The following WIPI2 variants were observed in gnomAD, a reference collection of about 807,000 sequenced individuals.
The protein encoded by WIPI2 is WD repeat domain, phosphoinositide interacting 2.
Under a neutral mutation model 52.3 loss-of-function variants are expected in WIPI2, and 28 were observed. The observed-to-expected ratio is 0.54, with a 90% CI of 0.40 to 0.73. The LOEUF (loss-of-function observed/expected upper bound fraction) is 0.73, where lower values mean the gene tolerates loss of function less well. WIPI2 is among the 30% of genes least tolerant of loss of function. WIPI2 has a pLI of 0.00. For missense variants in WIPI2, 506 were observed against 602.9 expected (o/e 0.84, Z 1.68); for synonymous variants, 268 against 245.0 (o/e 1.09, Z -0.88).
chr7:5,199,468 G>A, intron 2 of WIPI2, 108 bp from the exon 3 acceptor site: 1 of 845,776 alleles, frequency 1.2e-6, no homozygotes, highest in Non-Finnish European at 1.9e-6. Context: ...ATTTGTGGAG[G>A]GCACGCGGGG....
intron 8 of WIPI2, 87 bp downstream of exon 8, chr7:5,222,759 C>G: frequency 7.8e-7 from 1 of 1,288,754 alleles, no homozygotes; most frequent in Non-Finnish European, 1.1e-6. Flanking sequence ...AAGTAGAACC[C>G]CCAGGAGAAT....
At chr7:5,225,151 A>T (rs1410305250) in intron 8 of WIPI2, among the ~76,000 whole-genome samples, 24 of 148,804 alleles carry the variant, frequency 1.6e-4, no homozygotes, top group African/African-American at 4.2e-4. Context: ...TTTTTTTTTT[A>T]AATAATTGAG....
chr7:5,209,962 T>C (rs901365683), intron 3 of WIPI2, among the ~76,000 whole-genome samples: 3 of 152,192 alleles, frequency 2.0e-5, no homozygotes, highest in Non-Finnish European at 4.4e-5. Context: ...TGCTGGAGTC[T>C]GGTGGTGCCA....
intron 3 of WIPI2, among the ~76,000 whole-genome samples, chr7:5,202,753 C>T (rs575505932): frequency 2.4e-4 from 36 of 151,808 alleles, no homozygotes; most frequent in African/African-American, 8.8e-4. Context: ...TGATCATTTT[C>T]TTTCTCCATG....
At chr7:5,190,684 C>T (rs1035742745) in intron 1 of WIPI2, 191 bp downstream of exon 1, 11 of 453,840 alleles carry the variant, frequency 2.4e-5, no homozygotes, top group Non-Finnish European at 4.0e-5. Flanking sequence ...CCCTCGGGTG[C>T]TGGCCTGGAG....
chr7:5,228,223 C>T lies in WIPI2; in HGVS notation c.1121+12C>T, dbSNP rs1410549263. 3.1e-6 allele frequency: 5 copies of T among 1,606,588 alleles called. No homozygotes were observed. Among genetic ancestry groups the T allele is most frequent in the Non-Finnish European group, 3.4e-6 (4 of 1,177,448 alleles). ...ATGAAGCAGCACCGGTGAGTCTGCT[C>T]CGGCCGCTTCACGGAGCTGCTCCGT... On this transcript the variant is annotated intron_variant, in intron 11 of 12. Transcript: ENST00000288828.
chr7:5,201,226 G>A (rs993631553), intron 3 of WIPI2, among the ~76,000 whole-genome samples: 11 of 152,216 alleles, frequency 7.2e-5, no homozygotes, highest in Admixed American at 2.0e-4. Flanking sequence ...CAGATGAAGC[G>A]CCTGAATTGT....
At position 5,216,598 on chromosome 7, in the gene WIPI2, C is replaced by G. The variant is rs1782826895; in HGVS notation, c.417C>G (p.Ile139Met). The change falls in exon 5 of 13, where the codon ATC becomes ATG. Residue 139 changes from isoleucine (I) to methionine (M), a missense_variant. By Grantham distance (10) the Ile-to-Met change is conservative. Around this residue, in one of 4 missense-constraint regions of WIPI2, gnomAD observed 237 missense variants for 346.9 expected, o/e 0.68. Coordinates refer to ENST00000288828, the MANE Select transcript of WIPI2 (RefSeq NM_015610.4). ...TATGCCTGGAGGAGTCCCTGTACAT[C>G]CACAACATTCGGGACATGAAGGTGC... The part of the protein sequence containing the change: ...LIVCLEESLY[I>M]HNIRDMKVLH... 1.2e-6 allele frequency: 2 copies of G among 1,614,084 alleles called. No homozygotes were observed. The highest frequency in any genetic ancestry group is 3.3e-5 in the Admixed American group (2 of 59,994).
rs574844988 is a variant in WIPI2 at position 5,230,361 on chromosome 7, C to G, written c.1253-474C>G. ...CATGCATGAGATCCTCCAGCCACAG[C>G]CTTGGCTATGTGAGCCACCTTCTTA... is the stretch of plus-strand genomic sequence containing the variant. On this transcript the variant is annotated intron_variant, in intron 12 of 12. Transcript: ENST00000288828. The surrounding 1 kb of genome is among the most constrained non-coding windows in gnomAD (Gnocchi z 4.8). Among the ~76,000 whole-genome samples, 1 of 152,354 alleles carries G rather than the reference C, an allele frequency of 6.6e-6. No individual in the cohort carries two copies. Among genetic ancestry groups the G allele is most frequent in the Non-Finnish European group, 1.5e-5 (1 of 68,038 alleles).
chr7:5,214,049 T>A, intron 3 of WIPI2: 1 of 230,082 alleles, frequency 4.3e-6, no homozygotes, highest in South Asian at 5.9e-5. Flanking sequence ...GCGACATCTT[T>A]TTAATAAATA....
chr7:5,214,486 C>T (rs1435790935), intron 3 of WIPI2, 49 bp from the exon 4 acceptor site: 3 of 1,614,098 alleles, frequency 1.9e-6, no homozygotes, highest in Non-Finnish European at 2.5e-6. Context: ...TGCCTGTGGC[C>T]ATAGCCATGT....
At chr7:5,217,372 C>T in intron 6 of WIPI2, 185 bp downstream of exon 6, 1 of 626,540 alleles carries the variant, frequency 1.6e-6, no homozygotes, top group South Asian at 1.8e-5. Context: ...TGGTGCAGTC[C>T]TAGCTCACTG....
At position 5,232,573 on chromosome 7, in the gene WIPI2, C is replaced by T. The variant is rs1259159019; in HGVS notation, c.*1626C>T. 2.8e-5 allele frequency: 10 copies of T among 359,454 alleles called. No individual in the cohort carries two copies. The highest frequency in any genetic ancestry group is 2.4e-4 in the East Asian group (6 of 24,694). The allele number at this position is 359,454 out of a possible 1,614,324, so 22.3% of individuals were successfully genotyped here. ...GTCACGCAGGCTGAGACAGTGGGGACCGCCGAGGCCAGAGTGGGCTATGCT... is the reference window on the plus strand; with the variant it reads ...GTCACGCAGGCTGAGACAGTGGGGATCGCCGAGGCCAGAGTGGGCTATGCT... On this transcript the variant is annotated 3_prime_UTR_variant, in exon 13 of 13. Coordinates refer to ENST00000288828, the MANE Select transcript of WIPI2 (RefSeq NM_015610.4).
chr7:5,214,774 C>T, intron 4 of WIPI2, 70 bp downstream of exon 4: 1 of 1,547,382 alleles, frequency 6.5e-7, no homozygotes, highest in Non-Finnish European at 8.8e-7. Flanking sequence ...AAGCCCACCC[C>T]ACCGGCATGC....
Position 5,226,224 on chromosome 7 carries a change from G to C in WIPI2, c.848+294G>C. 5.5e-6 allele frequency: 2 copies of C among 362,084 alleles called. 1 individual carries two copies. Among genetic ancestry groups the C allele is most frequent in the South Asian group, 6.9e-5 (2 of 29,046 alleles). The allele number at this position is 362,084 out of a possible 1,614,324, so 22.4% of individuals were successfully genotyped here. A position where few individuals can be genotyped will look rare whatever the true frequency, so the allele number is the denominator to read the frequency against. The stretch of plus-strand genomic sequence containing the variant: ...GTCAGTGAAGATGGCCTCTCCTCAG[G>C]TTCCCCTCACGACAAAAGCGTTTGT... On this transcript the variant is annotated intron_variant, in intron 9 of 12. Transcript: ENST00000288828.
chr7:5,190,903 C>T (rs1223023646), intron 1 of WIPI2: 2 of 168,010 alleles, frequency 1.2e-5, no homozygotes, highest in African/African-American at 4.7e-5. Flanking sequence ...GCGTCTCCCA[C>T]TCACTCTCCT....
intron 2 of WIPI2, among the ~76,000 whole-genome samples, chr7:5,195,262 G>C (rs1029245631): frequency 2.0e-5 from 3 of 152,194 alleles, no homozygotes; most frequent in African/African-American, 7.2e-5. Flanking sequence ...CAAGGTGGGA[G>C]GATCCCTTGA....
At position 5,231,898 on chromosome 7, in the gene WIPI2, A is replaced by C. The variant is rs1048112790; in HGVS notation, c.*951A>C. 3.4e-6 allele frequency: 1 copy of C among 294,168 alleles called. No individual in the cohort carries two copies. The highest frequency in any genetic ancestry group is 6.2e-6 in the Non-Finnish European group (1 of 160,022). The allele number at this position is 294,168 out of a possible 1,614,324, so 18.2% of individuals were successfully genotyped here. A position where few individuals can be genotyped will look rare whatever the true frequency, so the allele number is the denominator to read the frequency against. Reference sequence around the variant, plus strand: ...TGTGTGAGAGGTCGTAGCGGGAGACAGCAACAGAGAGTAGGCGGCTGGGCC... The same window carrying C: ...TGTGTGAGAGGTCGTAGCGGGAGACCGCAACAGAGAGTAGGCGGCTGGGCC... On this transcript the variant is annotated 3_prime_UTR_variant, in exon 13 of 13. Coordinates refer to ENST00000288828, the MANE Select transcript of WIPI2 (RefSeq NM_015610.4).
intron 7 of WIPI2, 63 bp downstream of exon 7, chr7:5,218,077 G>C: frequency 6.4e-7 from 1 of 1,553,372 alleles, no homozygotes; most frequent in Non-Finnish European, 8.9e-7. Context: ...TTTCAGTTCT[G>C]TTCACACAGC....
Sources: allele counts gnomAD v4.1 joint callset (sites outside exome capture counted in the v4.1 genomes callset), GRCh38; gene constraint gnomAD v4.1.1; regional missense constraint gnomAD v4.1.1; non-coding constraint Gnocchi (gnomAD v3.1); transcripts MANE v1.5; gene names NCBI Gene and HGNC (gene_info 2026-07-23, HGNC 2026-07-21).